IGDCC3: variants seen among roughly 807,000 people sequenced by gnomAD.
IGDCC3 encodes putative neuronal cell adhesion molecule.
IGDCC3 carries 47 observed loss-of-function variants against 72.0 expected under a neutral mutation model. The observed-to-expected ratio is 0.65, with a 90% CI of 0.52 to 0.83. The LOEUF (loss-of-function observed/expected upper bound fraction) is 0.83, where lower values mean the gene tolerates loss of function less well. Among genes scored for constraint, IGDCC3 ranks in the 40% least tolerant of loss-of-function variants. IGDCC3 has a pLI of 0.00. For missense variants in IGDCC3, 1,038 were observed against 1,091.3 expected, an observed-to-expected ratio of 0.95 and a Z score of 0.69; for synonymous variants, 477 against 472.8, an observed-to-expected ratio of 1.01 and a Z score of -0.11.
chr15:65,335,156 C>T, intron 4 of IGDCC3, 135 bp downstream of exon 4: 2 of 983,204 alleles, frequency 2.0e-6, no homozygotes, highest in Admixed American at 2.7e-5. Context: ...TCACGCCAGG[C>T]AGCACAGAGC....
At chr15:65,363,144 GCCA>G (rs927386653) in intron 2 of IGDCC3, among the ~76,000 whole-genome samples, 12 of 152,174 alleles carry the variant, frequency 7.9e-5, no homozygotes, top group African/African-American at 2.9e-4. Context: ...ACAGGCGTGA[GCCA>G]CCACCCCCAG....
intron 2 of IGDCC3, among the ~76,000 whole-genome samples, chr15:65,341,918 C>T (rs1186818011): frequency 1.3e-5 from 2 of 152,172 alleles, no homozygotes; most frequent in African/African-American, 4.8e-5. Context: ...GGGTTACAGG[C>T]ACCTGCCACC....
chr15:65,363,026 A>G (rs2091271193), intron 2 of IGDCC3, among the ~76,000 whole-genome samples: 1 of 151,294 alleles, frequency 6.6e-6, no homozygotes, highest in South Asian at 2.1e-4. Flanking sequence ...CACCCGGCTA[A>G]TTTTTGTATT....
chr15:65,336,198 A>G (rs1161625425), intron 2 of IGDCC3, among the ~76,000 whole-genome samples: 1 of 152,152 alleles, frequency 6.6e-6, no homozygotes, highest in Admixed American at 6.5e-5. Context: ...AAAAGTCTGG[A>G]CAAACTTCTG....
chr15:65,372,672 CCT>C (rs2091334177), intron 2 of IGDCC3, among the ~76,000 whole-genome samples: 2 of 152,106 alleles, frequency 1.3e-5, no homozygotes, highest in South Asian at 4.1e-4. Context: ...CCCACGGGCC[CCT>C]GAGGAGCAGG....
At chr15:65,349,489 T>C (rs966287410) in intron 2 of IGDCC3, among the ~76,000 whole-genome samples, 1 of 152,252 alleles carries the variant, frequency 6.6e-6, no homozygotes, top group South Asian at 2.1e-4. Context: ...AAAAGAATTC[T>C]AAGGCTAGTC....
At chr15:65,363,194 C>T (rs574341610) in intron 2 of IGDCC3, among the ~76,000 whole-genome samples, 51 of 152,224 alleles carry the variant, frequency 3.4e-4, no homozygotes, top group Admixed American at 5.9e-4. Flanking sequence ...TCTTTGATTT[C>T]GCCCCACAAA....
In IGDCC3 at chr15:65,377,745, G is replaced by GGGGC; in HGVS notation, c.40_43dup (p.Pro15ArgfsTer28). Reference sequence around the variant, plus strand: ...CGGCAGCAGGAGCCGGGGCCAGAGCGGGGCGGGCGGGCGGCGCGGAGACGC... The same window carrying GGGGC: ...CGGCAGCAGGAGCCGGGGCCAGAGCGGGGCGGGCGGGCGGGCGGCGCGGAGACGC... On this transcript the variant is annotated frameshift_variant, in exon 1 of 14. Transcript: ENST00000327987. LOFTEE classifies it high-confidence loss of function. The surrounding 1 kb of genome is among the most constrained non-coding windows in gnomAD (Gnocchi z 4.9). 1.5e-6 allele frequency: 2 copies of GGGGC among 1,321,986 alleles called. No homozygotes were observed. Among genetic ancestry groups the GGGGC allele is most frequent in the Non-Finnish European group, 1.9e-6 (2 of 1,041,638 alleles). 81.9% of individuals were successfully genotyped at this position (1,321,986 alleles called of 1,614,324 possible). A position where few individuals can be genotyped will look rare whatever the true frequency, so the allele number is the denominator to read the frequency against.
Position 65,330,625 on chromosome 15 carries a change from G to A in IGDCC3, c.1678C>T (p.Pro560Ser). The A allele has an allele frequency of 1.2e-6, 2 of 1,613,840 alleles. No individual in the cohort carries two copies. Among genetic ancestry groups the A allele is most frequent in the Non-Finnish European group, 1.7e-6 (2 of 1,179,970 alleles). The change falls in exon 10 of 14, where the codon CCA (proline) becomes TCA (serine). Residue 560 changes from proline (P) to serine (S), a missense_variant. By Grantham distance (74) the Pro-to-Ser change is moderately conservative (BLOSUM62 -1). Coordinates refer to ENST00000327987, the MANE Select transcript of IGDCC3 (RefSeq NM_004884.4). ...CCGGTGAAGGAGGTCTTGCTTGCTG[G>A]GCGGTAAAACAGCTTGAAGCCGCCC... Reference protein sequence around the residue: ...HEGGFKLFYRPASKTSFTGPI... With the variant: ...HEGGFKLFYRSASKTSFTGPI...
At chr15:65,359,958 T>C (rs913623426) in intron 2 of IGDCC3, among the ~76,000 whole-genome samples, 2 of 151,878 alleles carry the variant, frequency 1.3e-5, no homozygotes, top group Admixed American at 1.3e-4. Flanking sequence ...AGGTAGGAGG[T>C]GTTCCTATCC....
chr15:65,376,341 C>G (rs1479252300), intron 1 of IGDCC3, among the ~76,000 whole-genome samples: 2 of 152,232 alleles, frequency 1.3e-5, no homozygotes, highest in Non-Finnish European at 2.9e-5. Context: ...GACAAGCACT[C>G]CAATCCCAGG....
intron 2 of IGDCC3, among the ~76,000 whole-genome samples, chr15:65,346,846 G>A (rs994514249): frequency 2.6e-5 from 4 of 152,184 alleles, no homozygotes; most frequent in Admixed American, 2.0e-4. Flanking sequence ...CTGTAAAATA[G>A]GGAAATGCGA....
chr15:65,329,527 C>T lies in IGDCC3; in HGVS notation c.2068G>A (p.Gly690Ser), dbSNP rs1210941616. The change falls in exon 13 of 14, where the codon GGC becomes AGC. Residue 690 changes from glycine (G) to serine (S), a missense_variant. Gly to Ser is a moderately conservative substitution (Grantham distance 56). Coordinates refer to ENST00000327987, the MANE Select transcript of IGDCC3 (RefSeq NM_004884.4). This position sits in a 1 kb window ranked among gnomAD's most constrained non-coding sequence, Gnocchi z 4.1. Reference protein sequence around the residue: ...PQGPRSQRDPGILALNGARRG... With the variant: ...PQGPRSQRDPSILALNGARRG... ...CTCGCCCCATTTAGGGCTAGAATGC[C>T]AGGGTCCCTCTGGCTCCGGGGACCC... 6.2e-7 allele frequency: 1 copy of T among 1,605,772 alleles called. No individual in the cohort carries two copies.
At chr15:65,347,594 A>AT (rs1035942688) in intron 2 of IGDCC3, among the ~76,000 whole-genome samples, 13 of 152,196 alleles carry the variant, frequency 8.5e-5, no homozygotes, top group Middle Eastern at 3.4e-3. Context: ...AAAGGATGAG[A>AT]TTTTGTCAGC....
intron 6 of IGDCC3, 42 bp from the exon 7 acceptor site, chr15:65,332,148 G>A: frequency 1.3e-6 from 2 of 1,589,266 alleles, no homozygotes; most frequent in Non-Finnish European, 1.7e-6. Flanking sequence ...GACAGACACA[G>A]CTGTGAGTGA....
chr15:65,339,416 C>T lies in IGDCC3; in HGVS notation c.410-3460G>A, dbSNP rs1033227890. On this transcript the variant is annotated intron_variant, in intron 2 of 13. Transcript: ENST00000327987. This position sits in a 1 kb window ranked among gnomAD's most constrained non-coding sequence, Gnocchi z 4.1. Reference sequence around the variant, plus strand: ...TTCTTATAGAGACAGGGTCTCCCTACGTTGCCCGGACTGGCACAGCATTTT... The same window carrying T: ...TTCTTATAGAGACAGGGTCTCCCTATGTTGCCCGGACTGGCACAGCATTTT... Among the ~76,000 whole-genome samples the T allele has an allele frequency of 3.3e-5, 5 of 152,194 alleles. No individual in the cohort carries two copies. The highest frequency in any genetic ancestry group is 7.4e-5 in the Non-Finnish European group (5 of 68,014).
intron 2 of IGDCC3, among the ~76,000 whole-genome samples, chr15:65,366,008 G>A (rs1394664033): frequency 2.0e-5 from 3 of 152,112 alleles, no homozygotes; most frequent in Non-Finnish European, 2.9e-5. Flanking sequence ...AGGAGTTCGA[G>A]ACCAGCCTGA....
chr15:65,344,390 C>G (rs1214031264), intron 2 of IGDCC3, among the ~76,000 whole-genome samples: 1 of 152,142 alleles, frequency 6.6e-6, no homozygotes, highest in Non-Finnish European at 1.5e-5. Flanking sequence ...TACTCTCTCC[C>G]TCACTACCAC....
At position 65,332,065 on chromosome 15, in the gene IGDCC3, G is replaced by A; in HGVS notation, c.1024C>T (p.Pro342Ser). Residue 342 changes from proline to serine, a missense_variant, in exon 7 of 14, where the codon CCA becomes TCA. Physicochemically the swap from Pro to Ser is moderately conservative, Grantham distance 74. Coordinates refer to ENST00000327987, the MANE Select transcript of IGDCC3 (RefSeq NM_004884.4). ...GTGAACATGGCTGTGGTCCCAGCTG[G>A]CCTGGAGATGGACTGGGGATGCTGC... ...FVQHPQSISR[P>S]AGTTAMFTCQ... The A allele has an allele frequency of 6.2e-7, 1 of 1,614,114 alleles. No homozygotes were observed. Among genetic ancestry groups the A allele is most frequent in the Non-Finnish European group, 8.5e-7 (1 of 1,180,014 alleles).
Sources: gnomAD v4.1 joint callset for allele counts (sites outside exome capture counted in the v4.1 genomes callset) on GRCh38, gnomAD v4.1.1 for gene constraint, Gnocchi (gnomAD v3.1) non-coding constraint, MANE v1.5 for transcripts, NCBI Gene and HGNC (gene_info 2026-07-23, HGNC 2026-07-21) for gene names.